ACTR3C: variants seen among roughly 807,000 people sequenced by gnomAD.
The protein encoded by ACTR3C is actin-related protein 3C.
A neutral mutation model predicts 26.3 loss-of-function variants in ACTR3C; 18 were observed. The ratio of observed to expected loss-of-function variants is 0.68; its 90% CI spans 0.47 to 1.01. ACTR3C has a LOEUF of 1.01. Ranked by LOEUF, ACTR3C falls within the 50% of genes least tolerant of loss-of-function variation. ACTR3C has a pLI of 0.00. For synonymous variants in ACTR3C, 55 were observed against 94.5 expected, an observed-to-expected ratio of 0.58 and a Z score of 2.42; for missense variants, 184 against 250.7, an observed-to-expected ratio of 0.73 and a Z score of 1.80.
At chr7:150,077,701 A>G in the ACTR3C span, among the ~76,000 whole-genome samples, 1 of 152,212 alleles carries the variant, frequency 6.6e-6, no homozygotes, top group African/African-American at 2.4e-5. Flanking sequence ...GTTAAGAAAG[A>G]GTCAGCTGTC....
chr7:150,110,450 T>G, the ACTR3C span, among the ~76,000 whole-genome samples: 4 of 86,176 alleles, frequency 4.6e-5, no homozygotes, highest in Non-Finnish European at 4.6e-5. Context: ...TGCCTGAGGG[T>G]GGGGCTGGAA....
the ACTR3C span, among the ~76,000 whole-genome samples, chr7:150,024,094 C>A: frequency 1.3e-5 from 2 of 151,036 alleles, no homozygotes; most frequent in Admixed American, 6.6e-5. Context: ...TGCCTGAAAG[C>A]AGTCACGATC....
chr7:150,166,090 C>T, the ACTR3C span, among the ~76,000 whole-genome samples: 2 of 151,704 alleles, frequency 1.3e-5, no homozygotes, highest in South Asian at 2.1e-4. Flanking sequence ...ATTAGATAAG[C>T]GCACACAGGG....
the ACTR3C span, among the ~76,000 whole-genome samples, chr7:150,154,996 G>A: frequency 5.3e-5 from 8 of 152,174 alleles, no homozygotes; most frequent in Non-Finnish European, 1.0e-4. Flanking sequence ...AAAGGTGAGC[G>A]TAGACAAACA....
At chr7:150,153,409 G>A in the ACTR3C span, among the ~76,000 whole-genome samples, 14 of 138,154 alleles carry the variant, frequency 1.0e-4, no homozygotes, top group East Asian at 4.5e-4. Flanking sequence ...AAAAGTGGGC[G>A]AAGGACAGGA....
chr7:149,988,292 A>G, the ACTR3C span, among the ~76,000 whole-genome samples: 1 of 152,212 alleles, frequency 6.6e-6, no homozygotes, highest in African/African-American at 2.4e-5. Flanking sequence ...TTCAGCTCAC[A>G]CATTTCTGGC....
chr7:150,197,229 G>T, the ACTR3C span, among the ~76,000 whole-genome samples: 5 of 152,096 alleles, frequency 3.3e-5, no homozygotes, highest in Non-Finnish European at 7.3e-5. Context: ...GATTCACAAA[G>T]AAAAAGTCTT....
chr7:150,109,433 C>T, the ACTR3C span, among the ~76,000 whole-genome samples: 1 of 151,718 alleles, frequency 6.6e-6, no homozygotes, highest in South Asian at 2.1e-4. Flanking sequence ...TATTTGATTC[C>T]CCAATGAGAG....
At chr7:150,163,135 C>A in the ACTR3C span, among the ~76,000 whole-genome samples, 9 of 148,714 alleles carry the variant, frequency 6.1e-5, no homozygotes, top group African/African-American at 2.3e-4. Context: ...GCCTGAGCAA[C>A]AGAGTGAGAC....
chr7:149,917,881 A>G, the ACTR3C span, among the ~76,000 whole-genome samples: 2 of 151,622 alleles, frequency 1.3e-5, no homozygotes, highest in East Asian at 1.9e-4. Flanking sequence ...CCAAACTTCA[A>G]TCAGAATAGC....
chr7:150,125,991 G>A, the ACTR3C span, among the ~76,000 whole-genome samples: 6 of 152,188 alleles, frequency 3.9e-5, no homozygotes, highest in Non-Finnish European at 5.9e-5. Context: ...GCTGAACTGG[G>A]CACAGAGATT....
chr7:149,996,379 A>G, the ACTR3C span, among the ~76,000 whole-genome samples: 2 of 150,372 alleles, frequency 1.3e-5, no homozygotes, highest in Admixed American at 6.7e-5. Context: ...CATCCAGAAA[A>G]GTCTGTTGCA....
chr7:150,136,659 G>A, the ACTR3C span, among the ~76,000 whole-genome samples: 1 of 141,874 alleles, frequency 7.0e-6, no homozygotes, highest in African/African-American at 3.1e-5. Context: ...AACAGAGTGA[G>A]ACTCCATCTC....
the ACTR3C span, among the ~76,000 whole-genome samples, chr7:149,993,409 A>G: frequency 0.013 from 1,958 of 152,158 alleles, 38 homozygotes; most frequent in African/African-American, 0.045. Flanking sequence ...TCCCTCCTAT[A>G]CTCAATGAGG....
chr7:150,038,357 C>T, the ACTR3C span, among the ~76,000 whole-genome samples: 90 of 142,028 alleles, frequency 6.3e-4, 11 homozygotes, highest in African/African-American at 2.3e-3. Context: ...CTCTCTCTGA[C>T]GCATACAATG....
At chr7:150,304,853 G>A (rs1584976023) in intron 1 of ACTR3C, among the ~76,000 whole-genome samples, 2 of 151,880 alleles carry the variant, frequency 1.3e-5, no homozygotes, top group Admixed American at 6.6e-5. Flanking sequence ...AGCTAGTGAG[G>A]GTACAAGCCA....
At chr7:150,319,831 T>G (rs1425582395) in intron 1 of ACTR3C, among the ~76,000 whole-genome samples, 1 of 152,184 alleles carries the variant, frequency 6.6e-6, no homozygotes, top group Non-Finnish European at 1.5e-5. Context: ...ACAGGGATGC[T>G]GTATCTGGAA....
the ACTR3C span, among the ~76,000 whole-genome samples, chr7:150,003,347 G>C: frequency 2.4e-5 from 1 of 42,408 alleles, no homozygotes. Context: ...TATGTGGAAT[G>C]TGTGGTATGT....
the ACTR3C span, among the ~76,000 whole-genome samples, chr7:150,181,674 A>G: frequency 4.0e-4 from 61 of 150,966 alleles, 2 homozygotes; most frequent in African/African-American, 1.4e-3. Flanking sequence ...GGGCACTACC[A>G]TCATAAAATT....
Sources: gnomAD v4.1 joint callset for allele counts (sites outside exome capture counted in the v4.1 genomes callset) on GRCh38, gnomAD v4.1.1 for gene constraint, MANE v1.5 for transcripts, NCBI Gene and HGNC (gene_info 2026-07-23, HGNC 2026-07-21) for gene names.